UBE2E2: variants seen among roughly 807,000 people sequenced by gnomAD.
UBE2E2 encodes ubiquitin conjugating enzyme E2 E2.
In UBE2E2, 6 loss-of-function variants were observed where a neutral mutation model predicts 24.7. The observed-to-expected ratio is 0.24, with a 90% CI of 0.13 to 0.48. UBE2E2 has a LOEUF of 0.48. UBE2E2 is among the 20% of genes least tolerant of loss of function. The probability of loss-of-function intolerance (pLI) is 0.99; values close to 1 mark genes in which losing one functional copy is unlikely to be tolerated. For missense variants in UBE2E2, 169 were observed against 245.0 expected (o/e 0.69, Z 2.07); for synonymous variants, 104 against 83.6 (o/e 1.24, Z -1.33).
Position 23,407,646 on chromosome 3 carries a change from CATGTGT to C in UBE2E2, c.228-91961_228-91956del, listed in dbSNP as rs762330759. Among the ~76,000 whole-genome samples the C allele has an allele frequency of 5.1e-4, 48 of 93,590 alleles. No individual in the cohort carries two copies. Among genetic ancestry groups the C allele is most frequent in the East Asian group, 2.0e-3 (7 of 3,490 alleles). 61.4% of individuals were successfully genotyped at this position (93,590 alleles called of 152,430 possible). On this transcript the variant is annotated intron_variant, in intron 3 of 5. Coordinates refer to ENST00000396703, the MANE Select transcript of UBE2E2 (RefSeq NM_152653.4). The surrounding 1 kb of genome is among the most constrained non-coding windows in gnomAD (Gnocchi z 4.0). ...GTGTGTGTTTGTGTGTGCATGCGTG[CATGTGT>C]GTGTGTGTGTGTGTGTGTGTGTGTG...
intron 3 of UBE2E2, among the ~76,000 whole-genome samples, chr3:23,386,546 CTG>C (rs1291538857): frequency 6.6e-6 from 1 of 152,184 alleles, no homozygotes; most frequent in African/African-American, 2.4e-5. Flanking sequence ...AATAATAAAA[CTG>C]TTTGTCTAAT....
intron 3 of UBE2E2, among the ~76,000 whole-genome samples, chr3:23,272,101 C>T (rs547843568): frequency 1.3e-4 from 20 of 152,250 alleles, no homozygotes; most frequent in East Asian, 1.9e-4. Flanking sequence ...TGGGGAGGCT[C>T]GGTCCATGCT....
intron 3 of UBE2E2, among the ~76,000 whole-genome samples, chr3:23,323,109 ATTTGC>A (rs1694789068): frequency 6.6e-6 from 1 of 152,010 alleles, no homozygotes; most frequent in East Asian, 1.9e-4. Flanking sequence ...ACAAATAATT[ATTTGC>A]TTTGTTTTGT....
intron 3 of UBE2E2, among the ~76,000 whole-genome samples, chr3:23,348,386 T>G (rs552046966): frequency 6.6e-6 from 1 of 151,460 alleles, no homozygotes; most frequent in Admixed American, 6.6e-5. Flanking sequence ...AGGCTAAAGC[T>G]TATTGCTAGG....
chr3:23,591,900 T>C (rs1696772922), downstream of UBE2E2: 1 of 152,330 alleles, frequency 6.6e-6, no homozygotes, highest in Non-Finnish European at 1.5e-5. Flanking sequence ...CATTGAACCA[T>C]TGAAAATAAA....
intron 5 of UBE2E2, among the ~76,000 whole-genome samples, chr3:23,565,828 C>G (rs962019721): frequency 7.2e-5 from 11 of 152,156 alleles, no homozygotes; most frequent in African/African-American, 2.7e-4. Flanking sequence ...TTGATAAGCG[C>G]TTCTGCCACC....
intron 1 of UBE2E2, 52 bp from the exon 2 acceptor site, chr3:23,208,640 G>A (rs1257334362): frequency 7.2e-7 from 1 of 1,387,228 alleles, no homozygotes; most frequent in Admixed American, 2.4e-5. Context: ...GTGTTCTGGA[G>A]GTAGCTTACT....
intron 3 of UBE2E2, among the ~76,000 whole-genome samples, chr3:23,455,279 A>G (rs1483474738): frequency 2.0e-5 from 3 of 152,256 alleles, no homozygotes; most frequent in Admixed American, 6.5e-5. Flanking sequence ...GACCACAGCA[A>G]TAAAGCAGAT....
At chr3:23,367,492 G>A (rs1335336281) in intron 3 of UBE2E2, among the ~76,000 whole-genome samples, 2 of 152,168 alleles carry the variant, frequency 1.3e-5, no homozygotes, top group Admixed American at 6.5e-5. Flanking sequence ...AACTCGAAGG[G>A]TTTGGAGAAC....
chr3:23,318,126 T>A (rs1010371732), intron 3 of UBE2E2, among the ~76,000 whole-genome samples: 15 of 152,108 alleles, frequency 9.9e-5, no homozygotes, highest in Non-Finnish European at 1.9e-4. Context: ...ATGGTTTTTT[T>A]AAAAAGGTAT....
At chr3:23,528,065 C>T (rs997570819) in intron 4 of UBE2E2, among the ~76,000 whole-genome samples, 2 of 152,134 alleles carry the variant, frequency 1.3e-5, no homozygotes, top group Admixed American at 1.3e-4. Context: ...GGACTGAGAC[C>T]TAAACCTGTA....
chr3:23,514,812 A>G (rs1020419802), intron 4 of UBE2E2, among the ~76,000 whole-genome samples: 2 of 152,142 alleles, frequency 1.3e-5, no homozygotes, highest in African/African-American at 4.8e-5. Flanking sequence ...AGGCCACAGT[A>G]CTGAATTGGT....
intron 3 of UBE2E2, among the ~76,000 whole-genome samples, chr3:23,228,670 CTAAA>C (rs1696890394): frequency 6.6e-6 from 1 of 152,020 alleles, no homozygotes; most frequent in Admixed American, 6.6e-5. Flanking sequence ...GGCTATGTTT[CTAAA>C]TAAATGTTCA....
At chr3:23,572,800 G>C (rs892707077) in intron 5 of UBE2E2, among the ~76,000 whole-genome samples, 2 of 152,196 alleles carry the variant, frequency 1.3e-5, no homozygotes. Flanking sequence ...GGGCACCTAG[G>C]TTGAATTCAT....
intron 3 of UBE2E2, among the ~76,000 whole-genome samples, chr3:23,457,292 T>C (rs1199477282): frequency 6.6e-5 from 10 of 152,340 alleles, no homozygotes; most frequent in Admixed American, 3.9e-4. Flanking sequence ...AACTGGTTTT[T>C]CTGGGGCTAA....
chr3:23,270,969 G>A, intron 3 of UBE2E2: 1 of 456,706 alleles, frequency 2.2e-6, no homozygotes, highest in Non-Finnish European at 4.4e-6. Context: ...GATTCGATCT[G>A]CTTGCATCTC....
chr3:23,412,373 A>G (rs1351945418), intron 3 of UBE2E2, among the ~76,000 whole-genome samples: 1 of 152,036 alleles, frequency 6.6e-6, no homozygotes, highest in Non-Finnish European at 1.5e-5. Flanking sequence ...ATTTCGTAGT[A>G]GTGACAGCAG....
intron 3 of UBE2E2, among the ~76,000 whole-genome samples, chr3:23,346,775 T>C (rs1575575718): frequency 6.6e-6 from 1 of 152,228 alleles, no homozygotes; most frequent in Non-Finnish European, 1.5e-5. Context: ...TGAACAACTA[T>C]GGAAAAACAC....
chr3:23,415,024 A>G (rs1697588225), intron 3 of UBE2E2, among the ~76,000 whole-genome samples: 1 of 152,198 alleles, frequency 6.6e-6, no homozygotes, highest in Non-Finnish European at 1.5e-5. Flanking sequence ...TTTGTGTGCA[A>G]CTCAAGAGGT....
Sources: allele counts gnomAD v4.1 joint callset (sites outside exome capture counted in the v4.1 genomes callset), GRCh38; gene constraint gnomAD v4.1.1; non-coding constraint Gnocchi (gnomAD v3.1); transcripts MANE v1.5; gene names NCBI Gene and HGNC (gene_info 2026-07-23, HGNC 2026-07-21).